The following ZDHHC15 variants were observed in gnomAD, a reference collection of about 807,000 sequenced individuals.
ZDHHC15 encodes the protein zDHHC palmitoyltransferase 15, also known as palmitoyltransferase ZDHHC15.
Under a neutral mutation model 31.7 loss-of-function variants are expected in ZDHHC15, and 19 were observed. The observed-to-expected ratio is 0.60, with a 90% CI of 0.42 to 0.88. The LOEUF (loss-of-function observed/expected upper bound fraction) is 0.88, where lower values mean the gene tolerates loss of function less well. Ranked by LOEUF, ZDHHC15 falls within the 40% of genes least tolerant of loss-of-function variation. The pLI, the probability that ZDHHC15 is intolerant of heterozygous loss-of-function variation, is 0.00. For synonymous variants in ZDHHC15, 103 were observed against 90.0 expected (o/e 1.14, Z -0.82); for missense variants, 209 against 251.2 (o/e 0.83, Z 1.14).
At chrX:75,492,547 C>A (rs2084916497) in intron 2 of ZDHHC15, among the ~76,000 whole-genome samples, 1 of 111,573 alleles carries the variant, frequency 9.0e-6, no homozygotes, top group Admixed American at 9.6e-5. Flanking sequence ...CACTCCTCGG[C>A]AAATGTAAAA....
intron 8 of ZDHHC15, 97 bp downstream of exon 8, chrX:75,424,555 C>A: frequency 1.1e-6 from 1 of 941,205 alleles, no homozygotes; most frequent in South Asian, 3.5e-5. Flanking sequence ...GTCACTGCAG[C>A]TAAAATGCTT....
intron 10 of ZDHHC15, among the ~76,000 whole-genome samples, chrX:75,410,388 A>C (rs2083472067): frequency 8.9e-6 from 1 of 111,964 alleles, no homozygotes; most frequent in African/African-American, 3.2e-5. Flanking sequence ...AAAGAAAAGA[A>C]AAAAGAAAAG....
intron 3 of ZDHHC15, among the ~76,000 whole-genome samples, chrX:75,455,714 G>C (rs1206849696): frequency 8.9e-6 from 1 of 112,186 alleles, no homozygotes; most frequent in Admixed American, 9.5e-5. Flanking sequence ...GATATGAACA[G>C]ACACTTTTCA....
At chrX:75,493,805 G>C (rs1472356435) in intron 2 of ZDHHC15, among the ~76,000 whole-genome samples, 2 of 111,557 alleles carry the variant, frequency 1.8e-5, no homozygotes, top group East Asian at 2.8e-4. Context: ...AGCTATCTAT[G>C]ACAAAACCAC....
intron 4 of ZDHHC15, among the ~76,000 whole-genome samples, chrX:75,438,497 G>C (rs1006906965): frequency 9.0e-6 from 1 of 110,699 alleles, no homozygotes; most frequent in South Asian, 3.8e-4. Context: ...TATTTTTAGT[G>C]TCCATTTGCA....
chrX:75,377,675 T>A (rs2083074745), intron 11 of ZDHHC15, among the ~76,000 whole-genome samples: 2 of 110,316 alleles, frequency 1.8e-5, no homozygotes, highest in Non-Finnish European at 1.9e-5. Context: ...ATATTAATGG[T>A]CCTGATAAGT....
At chrX:75,448,398 C>A (rs1017866594) in intron 4 of ZDHHC15, among the ~76,000 whole-genome samples, 1 of 112,062 alleles carries the variant, frequency 8.9e-6, no homozygotes, top group Non-Finnish European at 1.9e-5. Flanking sequence ...GAAACAAGAT[C>A]TGTTATTGTT....
intron 8 of ZDHHC15, among the ~76,000 whole-genome samples, chrX:75,423,293 G>T (rs2083671825): frequency 9.3e-6 from 1 of 107,614 alleles, no homozygotes; most frequent in Non-Finnish European, 1.9e-5. Flanking sequence ...TGTCACCCAG[G>T]TACTAAGCAT....
chrX:75,518,788 TATATATATATATATATATACACAC>T (rs2085400686), intron 1 of ZDHHC15, among the ~76,000 whole-genome samples: 2 of 24,989 alleles, frequency 8.0e-5, no homozygotes, highest in African/African-American at 1.2e-4. Flanking sequence ...TATATATATA[TATATATATATATATATATACACAC>T]ACACACACAC....
chrX:75,482,384 A>C (rs1218584638), intron 2 of ZDHHC15, among the ~76,000 whole-genome samples: 1 of 112,161 alleles, frequency 8.9e-6, no homozygotes, highest in Non-Finnish European at 1.9e-5. Flanking sequence ...ACCCACTGGG[A>C]GTATCTCTAA....
chrX:75,510,400 A>G (rs2085242642), intron 1 of ZDHHC15, among the ~76,000 whole-genome samples: 1 of 109,371 alleles, frequency 9.1e-6, no homozygotes, highest in Non-Finnish European at 1.9e-5. Flanking sequence ...TAGATGTGGT[A>G]ATACCATGAT....
At chrX:75,496,959 CCAAAG>C (rs1278669549) in intron 2 of ZDHHC15, among the ~76,000 whole-genome samples, 2 of 110,112 alleles carry the variant, frequency 1.8e-5, no homozygotes, top group African/African-American at 6.6e-5. Flanking sequence ...ACAAACCAAA[CCAAAG>C]CAAGTGGAAA....
rs181201859 is a variant in ZDHHC15, at chrX:75,410,904, A to G, written c.967+6183T>C. Among the ~76,000 whole-genome samples, 3 of 112,507 alleles carry G rather than the reference A, an allele frequency of 2.7e-5. No individual in the cohort carries two copies. The Admixed American group carries it at 2.8e-4, about 11-fold the overall frequency. On this transcript the variant is annotated intron_variant, in intron 10 of 11. Transcript: ENST00000373367. Reference sequence around the variant, plus strand: ...ATATGTACACGATGGAATATTATTCATCTATAAAAACGTTAAAATCCTGTC... The same window carrying G: ...ATATGTACACGATGGAATATTATTCGTCTATAAAAACGTTAAAATCCTGTC...
chrX:75,501,417 G>T (rs1021548346), intron 2 of ZDHHC15: 1 of 111,373 alleles, frequency 9.0e-6, no homozygotes, highest in African/African-American at 3.3e-5. Flanking sequence ...ATGATCACTT[G>T]CTTGCATGTG....
chrX:75,487,624 C>G (rs2084799046), intron 2 of ZDHHC15, among the ~76,000 whole-genome samples: 1 of 111,825 alleles, frequency 8.9e-6, no homozygotes, highest in African/African-American at 3.2e-5. Context: ...AAACAGGGTT[C>G]TATAATATCA....
At chrX:75,389,059 G>A (rs1260606322) in intron 10 of ZDHHC15, among the ~76,000 whole-genome samples, 2 of 111,660 alleles carry the variant, frequency 1.8e-5, no homozygotes, top group Non-Finnish European at 3.8e-5. Context: ...GAGAGGGAGA[G>A]TGCAGTGACT....
chrX:75,449,121 C>T (rs1339629352), intron 4 of ZDHHC15, among the ~76,000 whole-genome samples: 1 of 108,321 alleles, frequency 9.2e-6, no homozygotes. Context: ...CCTGATTCTC[C>T]AGCTTGCAGA....
chrX:75,426,543 A>G (rs1240465635), intron 7 of ZDHHC15, among the ~76,000 whole-genome samples: 3 of 111,002 alleles, frequency 2.7e-5, no homozygotes, highest in African/African-American at 9.8e-5. Context: ...CATCAGAGAG[A>G]GAGCAGATGA....
At chrX:75,479,344 A>G (rs1307707699) in intron 2 of ZDHHC15, among the ~76,000 whole-genome samples, 1 of 112,204 alleles carries the variant, frequency 8.9e-6, no homozygotes, top group Non-Finnish European at 1.9e-5. Context: ...TAGAGTTTAC[A>G]ACATGCTTTC....
Sources: gnomAD v4.1 joint callset for allele counts (sites outside exome capture counted in the v4.1 genomes callset) on GRCh38, gnomAD v4.1.1 for gene constraint, MANE v1.5 for transcripts, NCBI Gene and HGNC (gene_info 2026-07-23, HGNC 2026-07-21) for gene names.